The following CUEDC1 variants were observed in gnomAD, a reference collection of about 807,000 sequenced individuals.
CUEDC1 encodes the protein CUE domain-containing protein 1.
In CUEDC1, 30 loss-of-function variants were observed where a neutral mutation model predicts 43.7. The observed-to-expected ratio is 0.69, with a 90% CI of 0.51 to 0.93. The LOEUF is 0.93. Among genes scored for constraint, CUEDC1 ranks in the 40% least tolerant of loss-of-function variants. The pLI is 0.00. For missense variants in CUEDC1, 486 were observed against 549.0 expected, an observed-to-expected ratio of 0.89 and a Z score of 1.15; for synonymous variants, 223 against 223.6, an observed-to-expected ratio of 1.00 and a Z score of 0.02.
At chr17:57,866,658 A>T in intron 9 of CUEDC1, 114 bp from the exon 10 acceptor site, 3 of 990,290 alleles carry the variant, frequency 3.0e-6, no homozygotes, top group Non-Finnish European at 4.6e-6. Context: ...TTCATTTGGG[A>T]CCCATGCAGA....
chr17:57,905,680 C>A (rs1031955765), intron 1 of CUEDC1, among the ~76,000 whole-genome samples: 1 of 152,224 alleles, frequency 6.6e-6, no homozygotes, highest in Non-Finnish European at 1.5e-5. Flanking sequence ...GCAGCCAACA[C>A]CTTCCAGTGC....
At chr17:57,902,034 C>G (rs987908512) in intron 1 of CUEDC1, among the ~76,000 whole-genome samples, 1 of 151,890 alleles carries the variant, frequency 6.6e-6, no homozygotes, top group Non-Finnish European at 1.5e-5. Flanking sequence ...ATTAGCCAGG[C>G]GTGGTGGCAG....
chr17:57,898,177 C>T (rs1444166380), intron 1 of CUEDC1, among the ~76,000 whole-genome samples: 5 of 152,192 alleles, frequency 3.3e-5, no homozygotes, highest in Non-Finnish European at 5.9e-5. Context: ...GTGCACCCTC[C>T]AACCTTGGTC....
chr17:57,920,275 T>C (rs886552427), intron 1 of CUEDC1, among the ~76,000 whole-genome samples: 2 of 152,210 alleles, frequency 1.3e-5, no homozygotes, highest in African/African-American at 4.8e-5. Context: ...AATCAGTATC[T>C]GCATTTTAGC....
intron 6 of CUEDC1, among the ~76,000 whole-genome samples, chr17:57,870,184 T>C (rs2074014613): frequency 1.3e-5 from 2 of 152,224 alleles, no homozygotes; most frequent in South Asian, 2.1e-4. Context: ...CTTGTGTACA[T>C]GTGGGGCAGG....
chr17:57,927,140 T>C (rs1201946206), intron 1 of CUEDC1, among the ~76,000 whole-genome samples: 1 of 152,106 alleles, frequency 6.6e-6, no homozygotes, highest in Non-Finnish European at 1.5e-5. Context: ...CCTGCCATTC[T>C]CACCGAGCGG....
intron 1 of CUEDC1, among the ~76,000 whole-genome samples, chr17:57,908,394 T>C (rs771680198): frequency 1.3e-5 from 2 of 152,036 alleles, no homozygotes; most frequent in Non-Finnish European, 2.9e-5. Context: ...ACAGAGGAGC[T>C]TGGGCACACC....
intron 1 of CUEDC1, among the ~76,000 whole-genome samples, chr17:57,894,474 C>G (rs1163730737): frequency 6.6e-6 from 1 of 152,054 alleles, no homozygotes; most frequent in Non-Finnish European, 1.5e-5. Context: ...AGTTTGAGAC[C>G]AGCCTGGCCA....
chr17:57,897,264 T>G (rs1451497990), intron 1 of CUEDC1, among the ~76,000 whole-genome samples: 2 of 152,212 alleles, frequency 1.3e-5, no homozygotes, highest in Non-Finnish European at 2.9e-5. Flanking sequence ...TCAGAGAGAT[T>G]AAATAACTTA....
chr17:57,885,424 G>T lies in CUEDC1; in HGVS notation c.141C>A (p.Phe47Leu). The T allele has an allele frequency of 6.2e-7, 1 of 1,605,020 alleles. No individual in the cohort carries two copies. Among genetic ancestry groups the T allele is most frequent in the South Asian group, 1.1e-5 (1 of 89,302 alleles). Residue 47 changes from phenylalanine (F) to leucine (L), a missense_variant, in exon 2 of 11, where the codon TTC becomes TTA. Transcript: ENST00000577830. ...TCTTGAAGTCGTCCATGGCCTGGTTGAACTCCAGGCGGCGCACCTGGCGGG... is the reference window on the plus strand; with the variant it reads ...TCTTGAAGTCGTCCATGGCCTGGTTTAACTCCAGGCGGCGCACCTGGCGGG... ...RPARQVRRLE[F>L]NQAMDDFKTM...
chr17:57,935,072 C>A (rs771573864), intron 1 of CUEDC1, among the ~76,000 whole-genome samples: 2 of 152,184 alleles, frequency 1.3e-5, no homozygotes, highest in African/African-American at 2.4e-5. Flanking sequence ...ATCCAGGGAC[C>A]AAGCTCCCCA....
intron 1 of CUEDC1, among the ~76,000 whole-genome samples, chr17:57,916,999 C>T (rs1299371492): frequency 1.3e-5 from 2 of 152,148 alleles, no homozygotes; most frequent in Non-Finnish European, 2.9e-5. Context: ...CTAGGAGAGG[C>T]CCACAAGAAA....
At chr17:57,906,283 GA>G (rs2074529196) in intron 1 of CUEDC1, among the ~76,000 whole-genome samples, 1 of 152,180 alleles carries the variant, frequency 6.6e-6, no homozygotes. Context: ...CCACAAAAAG[GA>G]ATGAAATGCT....
At chr17:57,889,754 T>C (rs1374931037) in intron 1 of CUEDC1, among the ~76,000 whole-genome samples, 10 of 152,180 alleles carry the variant, frequency 6.6e-5, no homozygotes, top group Admixed American at 6.5e-4. Flanking sequence ...AGAAGTACCA[T>C]TTCCACAGGA....
chr17:57,922,738 A>G (rs1424955790), intron 1 of CUEDC1, among the ~76,000 whole-genome samples: 1 of 152,224 alleles, frequency 6.6e-6, no homozygotes, highest in Non-Finnish European at 1.5e-5. Context: ...AGCTCTTCCT[A>G]CATAGCAGGA....
At chr17:57,927,816 A>C (rs1339878030) in intron 1 of CUEDC1, among the ~76,000 whole-genome samples, 1 of 152,248 alleles carries the variant, frequency 6.6e-6, no homozygotes, top group East Asian at 1.9e-4. Context: ...AATTCATGCA[A>C]TGTAAGCTTT....
intron 1 of CUEDC1, among the ~76,000 whole-genome samples, chr17:57,897,678 T>C (rs1384744986): frequency 6.7e-6 from 1 of 148,308 alleles, no homozygotes; most frequent in African/African-American, 2.5e-5. Flanking sequence ...AAAAAAGTTT[T>C]TCTAGAATGT....
chr17:57,914,368 T>TG (rs932028568), intron 1 of CUEDC1, among the ~76,000 whole-genome samples: 11 of 152,092 alleles, frequency 7.2e-5, no homozygotes, highest in African/African-American at 2.7e-4. Context: ...AGTTAAACCT[T>TG]GGGGGGTCGG....
intron 6 of CUEDC1, among the ~76,000 whole-genome samples, 158 bp downstream of exon 6, chr17:57,871,128 G>T (rs2074028541): frequency 1.3e-5 from 2 of 152,190 alleles, no homozygotes; most frequent in African/African-American, 4.8e-5. Context: ...ATATGGAGAT[G>T]GGGGCAGAAG....
Sources: allele counts gnomAD v4.1 joint callset (sites outside exome capture counted in the v4.1 genomes callset), GRCh38; gene constraint gnomAD v4.1.1; transcripts MANE v1.5; gene names NCBI Gene and HGNC (gene_info 2026-07-23, HGNC 2026-07-21).